FEZ2: variants seen among roughly 807,000 people sequenced by gnomAD.
FEZ2 encodes the protein fasciculation and elongation protein zeta 2.
Under a neutral mutation model 40.4 loss-of-function variants are expected in FEZ2, and 51 were observed. That is an observed-to-expected ratio of 1.26 (90% CI 1.01 to 1.59). FEZ2 has a LOEUF of 1.59. Among genes scored for constraint, FEZ2 ranks in the 40% most tolerant of loss-of-function variants. The pLI is 0.00. For missense variants in FEZ2, 640 were observed against 438.3 expected (o/e 1.46, Z -4.11); for synonymous variants, 242 against 172.0 (o/e 1.41, Z -3.18).
At chr2:36,574,388 T>C (rs1198061685) in intron 5 of FEZ2, among the ~76,000 whole-genome samples, 2 of 152,102 alleles carry the variant, frequency 1.3e-5, no homozygotes, top group African/African-American at 2.4e-5. Flanking sequence ...TCAGCAGAAA[T>C]TTATTAGGTA....
intron 1 of FEZ2, among the ~76,000 whole-genome samples, chr2:36,595,302 A>C (rs1669183964): frequency 6.6e-6 from 1 of 151,994 alleles, no homozygotes; most frequent in Admixed American, 6.6e-5. Context: ...ACGTAGAATC[A>C]ATGGGAGCCC....
At chr2:36,584,214 C>A (rs993927733) in intron 2 of FEZ2, among the ~76,000 whole-genome samples, 5 of 152,184 alleles carry the variant, frequency 3.3e-5, no homozygotes, top group African/African-American at 1.2e-4. Flanking sequence ...GTCAGACTGT[C>A]ATTTGTTGAC....
rs145226505 is a variant in FEZ2, at chr2:36,593,256, T to G, written c.267-2245A>C. Among the ~76,000 whole-genome samples the G allele has an allele frequency of 4.3e-4, 66 of 151,998 alleles. 2 individuals are homozygous for G. The East Asian group carries it at 0.011, about 26-fold the overall frequency. On this transcript the variant is annotated intron_variant, in intron 1 of 7. Coordinates refer to ENST00000405912, the MANE Select transcript of FEZ2 (RefSeq NM_005102.3). ...TGGCAGCAAGAGAAAAGGAGGAAGA[T>G]GCAAAAGCAGAAACCCCTGATAAAC... is the stretch of plus-strand genomic sequence containing the variant.
intron 4 of FEZ2, 43 bp downstream of exon 4, chr2:36,581,247 G>C: frequency 6.3e-7 from 1 of 1,583,370 alleles, no homozygotes; most frequent in Non-Finnish European, 8.7e-7. Flanking sequence ...ATTTGATACA[G>C]ACAAAAAGCA....
chr2:36,582,254 T>C (rs1291067894), intron 3 of FEZ2, among the ~76,000 whole-genome samples: 1 of 151,700 alleles, frequency 6.6e-6, no homozygotes, highest in Non-Finnish European at 1.5e-5. Context: ...CACAATTAAA[T>C]GAAGGAGTAA....
At chr2:36,562,613 C>CG (rs1454643107) in intron 5 of FEZ2, among the ~76,000 whole-genome samples, 1 of 152,178 alleles carries the variant, frequency 6.6e-6, no homozygotes, top group East Asian at 1.9e-4. Context: ...TCACTGAAAG[C>CG]ATAACTATTA....
At chr2:36,567,519 TG>T (rs1668280490) in intron 5 of FEZ2, among the ~76,000 whole-genome samples, 1 of 152,034 alleles carries the variant, frequency 6.6e-6, no homozygotes, top group Non-Finnish European at 1.5e-5. Context: ...CCCAGCACTT[TG>T]GGAGGCCGAG....
chr2:36,569,990 C>T (rs914687235), intron 5 of FEZ2, among the ~76,000 whole-genome samples: 9 of 152,122 alleles, frequency 5.9e-5, no homozygotes, highest in East Asian at 1.9e-4. Flanking sequence ...TGATAAATCA[C>T]GACACTTTCA....
rs1669298023 is a variant in FEZ2 at position 36,598,115 on chromosome 2, A to T, written c.28T>A (p.Phe10Ile). 2 of 1,487,970 alleles carry T rather than the reference A, an allele frequency of 1.3e-6. No individual in the cohort carries two copies. The highest frequency in any genetic ancestry group is 4.4e-5 in the Admixed American group (2 of 45,260). The allele number at this position is 1,487,970 out of a possible 1,614,324, so 92.2% of individuals were successfully genotyped here. MAADGDWQD[F>I]YEFQEPARSL... The stretch of plus-strand genomic sequence containing the variant: ...CGGGCCGGCTCCTGGAACTCATAGA[A>T]ATCCTGCCAGTCCCCGTCCGCCGCC... Residue 10 changes from phenylalanine (F) to isoleucine (I), a missense_variant, in exon 1 of 8, where the codon TTC becomes ATC. Transcript: ENST00000405912.
chr2:36,572,017 G>GAAAAAAA lies in FEZ2; in HGVS notation c.903+6573_903+6579dup, dbSNP rs34787798. ...GCGGCTGAGTGAGACTCCGTCTCAG[G>GAAAAAAA]AAAAAAAAAAAAAAAAAAAAAAAAA... On this transcript the variant is annotated intron_variant, in intron 5 of 7. Transcript: ENST00000405912. Among the ~76,000 whole-genome samples the GAAAAAAA allele has an allele frequency of 5.2e-4, 57 of 110,072 alleles. 2 individuals carry two copies. The highest frequency in any genetic ancestry group is 1.5e-3 in the African/African-American group (49 of 32,090). 72.2% of individuals were successfully genotyped at this position (110,072 alleles called of 152,430 possible). A position where few individuals can be genotyped will look rare whatever the true frequency, so the allele number is the denominator to read the frequency against.
intron 5 of FEZ2, among the ~76,000 whole-genome samples, chr2:36,573,771 C>T (rs1033196955): frequency 1.3e-4 from 20 of 152,302 alleles, no homozygotes; most frequent in Non-Finnish European, 1.5e-4. Context: ...TAATAGGCAA[C>T]TCATAAAAGA....
At chr2:36,577,744 C>A (rs1403940804) in intron 5 of FEZ2, among the ~76,000 whole-genome samples, 1 of 152,196 alleles carries the variant, frequency 6.6e-6, no homozygotes, top group Non-Finnish European at 1.5e-5. Context: ...AGATCTATTT[C>A]TCTGCTAAGT....
chr2:36,590,765 A>C (rs1173603848), intron 2 of FEZ2, 138 bp downstream of exon 2: 4 of 632,326 alleles, frequency 6.3e-6, no homozygotes, highest in African/African-American at 1.8e-5. Context: ...CAAGACATCA[A>C]GACAGAGCCA....
Position 36,559,985 on chromosome 2 carries a change from C to A in FEZ2, c.904-1472G>T, listed in dbSNP as rs182326001. ...GCAGTAAAAACTCCAGGCATTTGATCTAGGCGTTCTTTTGCTAAACTTCCT... is the reference window on the plus strand; with the variant it reads ...GCAGTAAAAACTCCAGGCATTTGATATAGGCGTTCTTTTGCTAAACTTCCT... On this transcript the variant is annotated intron_variant, in intron 5 of 7. Transcript: ENST00000405912. Among the ~76,000 whole-genome samples, 368 of 152,346 alleles carry A rather than the reference C, an allele frequency of 2.4e-3. 4 individuals carry two copies. Among genetic ancestry groups the A allele is most frequent in the African/African-American group, 8.5e-3 (353 of 41,578 alleles).
intron 2 of FEZ2, among the ~76,000 whole-genome samples, chr2:36,587,569 A>C (rs116712726): frequency 0.022 from 3,353 of 152,346 alleles, 127 homozygotes; most frequent in African/African-American, 0.077. Flanking sequence ...CTTAATCTTC[A>C]ATCAAAGAAA....
In FEZ2 at chr2:36,555,821, T is replaced by C. The variant is rs140513105; in HGVS notation, c.980-73A>G. 9.6e-3 allele frequency: 8,457 copies of C among 878,664 alleles called. 47 individuals are homozygous for C. Among genetic ancestry groups the C allele is most frequent in the Non-Finnish European group, 0.013 (7,335 of 567,724 alleles). The allele number at this position is 878,664 out of a possible 1,614,324, so 54.4% of individuals were successfully genotyped here. On this transcript the variant is annotated intron_variant, in intron 6 of 7. Transcript: ENST00000405912. ...CAAAAATATTATTTAATTTCAATCA[T>C]TGTGGCCTTAATCTTCCTTAATTAT... is the stretch of plus-strand genomic sequence containing the variant.
intron 5 of FEZ2, among the ~76,000 whole-genome samples, chr2:36,566,317 A>G (rs1369031575): frequency 2.0e-5 from 3 of 150,240 alleles, no homozygotes; most frequent in South Asian, 2.1e-4. Flanking sequence ...TCCACCCTGG[A>G]CGACAGAGCG....
chr2:36,586,852 G>A (rs750728453), intron 2 of FEZ2, among the ~76,000 whole-genome samples: 17 of 152,152 alleles, frequency 1.1e-4, no homozygotes, highest in Admixed American at 2.0e-4. Context: ...AAGCTGGAGC[G>A]GGAAGATCGC....
In FEZ2 at chr2:36,583,477, CA is replaced by C. The variant is rs777426829; in HGVS notation, c.376-9del. On this transcript the variant is annotated splice_polypyrimidine_tract_variant and intron_variant, in intron 2 of 7. Transcript: ENST00000405912. ...GAGCAAACTGTCACTTACCTAAAAA[CA>C]AAAATACCCATCATTAAAAGCAGGA... The C allele has an allele frequency of 2.0e-5, 26 of 1,309,838 alleles. No individual in the cohort carries two copies. The highest frequency in any genetic ancestry group is 2.8e-5 in the Non-Finnish European group (25 of 903,356). 81.1% of individuals were successfully genotyped at this position (1,309,838 alleles called of 1,614,324 possible).
Sources: gnomAD v4.1 joint callset for allele counts (sites outside exome capture counted in the v4.1 genomes callset) on GRCh38, gnomAD v4.1.1 for gene constraint, MANE v1.5 for transcripts, NCBI Gene and HGNC (gene_info 2026-07-23, HGNC 2026-07-21) for gene names.